SLC3A1: variants seen among roughly 807,000 people sequenced by gnomAD.
The protein encoded by SLC3A1 is amino acid transporter heavy chain SLC3A1.
In SLC3A1, 78 loss-of-function variants were observed where a neutral mutation model predicts 60.3. The observed-to-expected ratio is 1.29, with a 90% CI of 1.08 to 1.56. The LOEUF is 1.56. Ranked by LOEUF, SLC3A1 falls within the 40% of genes most tolerant of loss-of-function variation. SLC3A1 has a pLI of 0.00. For synonymous variants in SLC3A1, 392 were observed against 307.9 expected (o/e 1.27, Z -2.86); for missense variants, 1,172 against 858.9 (o/e 1.36, Z -4.56).
At chr2:44,291,368 CATTA>C in intron 4 of SLC3A1, among the ~76,000 whole-genome samples, 1 of 152,240 alleles carries the variant, frequency 6.6e-6, no homozygotes, top group Non-Finnish European at 1.5e-5. Context: ...CCAGCCAATA[CATTA>C]ATTATTTTTT....
At chr2:44,278,178 C>T (rs1168376233) in intron 1 of SLC3A1, among the ~76,000 whole-genome samples, 2 of 152,152 alleles carry the variant, frequency 1.3e-5, no homozygotes, top group African/African-American at 4.8e-5. Context: ...GGCGTGGTGG[C>T]TCACGCCTGT....
chr2:44,321,105 C>G lies in SLC3A1; in HGVS notation c.*466C>G, dbSNP rs1572833604. 1 of 461,136 alleles carries G rather than the reference C, an allele frequency of 2.2e-6. No homozygotes were observed. The highest frequency in any genetic ancestry group is 2.7e-5 in the South Asian group (1 of 37,562). The allele number at this position is 461,136 out of a possible 1,614,324, so 28.6% of individuals were successfully genotyped here. The stretch of plus-strand genomic sequence containing the variant: ...CTGCTATCACCAATCCTTCCCTTCC[C>G]TCTACTCCACATCCTTCTAAGGAGC... On this transcript the variant is annotated 3_prime_UTR_variant, in exon 10 of 10. Coordinates refer to ENST00000260649, the MANE Select transcript of SLC3A1 (RefSeq NM_000341.4).
chr2:44,310,054 T>C (rs1253111328), intron 7 of SLC3A1, among the ~76,000 whole-genome samples: 1 of 152,106 alleles, frequency 6.6e-6, no homozygotes, highest in Admixed American at 6.5e-5. Flanking sequence ...CCACCATACC[T>C]GGATAATTTT....
At chr2:44,320,041 T>C (rs994992710) in intron 9 of SLC3A1, 158 bp from the exon 10 acceptor site, 2 of 629,792 alleles carry the variant, frequency 3.2e-6, no homozygotes, top group Non-Finnish European at 2.7e-6. Flanking sequence ...TTTATATAAA[T>C]TGTTCTTACC....
intron 4 of SLC3A1, among the ~76,000 whole-genome samples, chr2:44,295,385 C>G (rs1037571730): frequency 2.6e-5 from 4 of 152,180 alleles, no homozygotes; most frequent in Non-Finnish European, 5.9e-5. Flanking sequence ...CTAGCTGACC[C>G]AGGCTCTGTG....
intron 4 of SLC3A1, among the ~76,000 whole-genome samples, chr2:44,290,147 G>T (rs1572796736): frequency 7.8e-6 from 1 of 127,572 alleles, no homozygotes; most frequent in African/African-American, 2.9e-5. Context: ...TTTTGCATGT[G>T]GCTATTCAGT....
Position 44,304,335 on chromosome 2 carries a change from G to C in SLC3A1, c.1329G>C (p.Trp443Cys), listed in dbSNP as rs1270635310. ...ENMPEGKWPN[W>C]MIGGPDSSRL... ...TGCCAGAAGGAAAATGGCCTAACTG[G>C]ATGGTAAGTCCTCATGACAGCAGAG... The change falls in exon 7 of 10, where the codon TGG becomes TGC. Residue 443 changes from tryptophan to cysteine, a missense_variant. Physicochemically the swap from Trp to Cys is radical, Grantham distance 215. Transcript: ENST00000260649. 2 of 1,612,512 alleles carry C rather than the reference G, an allele frequency of 1.2e-6. No individual in the cohort carries two copies. Among genetic ancestry groups the C allele is most frequent in the Admixed American group, 1.7e-5 (1 of 60,008 alleles).
chr2:44,300,089 C>T lies in SLC3A1; in HGVS notation c.1010C>T (p.Pro337Leu), dbSNP rs201763200. Residue 337 changes from proline to leucine, a missense_variant and splice_region_variant, in exon 5 of 10, where the codon CCG becomes CTG. Coordinates refer to ENST00000260649, the MANE Select transcript of SLC3A1 (RefSeq NM_000341.4). Reference protein sequence around the residue: ...DEIQVNKTQIPDTVTQYSELY... With the variant: ...DEIQVNKTQILDTVTQYSELY... ...ATCCAAGTAAATAAGACCCAAATCC[C>T]GGTAAAGTTTTATTTTAAACGTTTT... is the stretch of plus-strand genomic sequence containing the variant. 17 of 1,613,856 alleles carry T rather than the reference C, an allele frequency of 1.1e-5. No homozygotes were observed. Among genetic ancestry groups the T allele is most frequent in the Admixed American group, 1.7e-5 (1 of 60,022 alleles).
chr2:44,293,142 A>G (rs1386998298), intron 4 of SLC3A1, among the ~76,000 whole-genome samples: 1 of 152,168 alleles, frequency 6.6e-6, no homozygotes, highest in Non-Finnish European at 1.5e-5. Context: ...GATGGGAGAC[A>G]CAGGAAGAGA....
rs571573324 is a variant in SLC3A1, at chr2:44,306,869, T to C, written c.1332+2531T>C. ...ACTGAGCCCAGCCAAAATTTACCGT[T>C]ATTAAAGTATATAATTAAGTGGATT... is the stretch of plus-strand genomic sequence containing the variant. On this transcript the variant is annotated intron_variant, in intron 7 of 9. Transcript: ENST00000260649. Among the ~76,000 whole-genome samples, 76 of 152,238 alleles carry C rather than the reference T, an allele frequency of 5.0e-4. 1 individual carries two copies. The highest frequency in any genetic ancestry group is 3.3e-4 in the Admixed American group (5 of 15,290).
intron 9 of SLC3A1, chr2:44,314,624 TCTA>T (rs1672381841): frequency 6.5e-6 from 1 of 153,792 alleles, no homozygotes; most frequent in South Asian, 2.0e-4. Context: ...CCCATCCCAC[TCTA>T]CTGAGTAATC....
rs765521548 is a variant in SLC3A1, at chr2:44,301,125, C to G, written c.1134C>G (p.Tyr378Ter). Residue 378 changes from tyrosine to a stop codon, truncating the protein, a stop_gained and splice_region_variant, in exon 6 of 10, where the codon TAC (tyrosine) becomes TAG (stop). Coordinates refer to ENST00000260649, the MANE Select transcript of SLC3A1 (RefSeq NM_000341.4). LOFTEE classifies it high-confidence loss of function. ...AATACAGCACGGAGCCCGGCAGATACAGGTTGACCACGGCATATGCTCTCA... is the reference window on the plus strand; with the variant it reads ...AATACAGCACGGAGCCCGGCAGATAGAGGTTGACCACGGCATATGCTCTCA... Reference protein sequence around the residue: ...MDQYSTEPGRYRFMGTEAYAE... With the variant: ...MDQYSTEPGR 15 of 1,609,718 alleles carry G rather than the reference C, an allele frequency of 9.3e-6. No individual in the cohort carries two copies. The highest frequency in any genetic ancestry group is 1.4e-5 in the African/African-American group (1 of 72,038).
intron 8 of SLC3A1, 152 bp from the exon 9 acceptor site, chr2:44,313,683 G>C: frequency 1.4e-6 from 1 of 727,892 alleles, no homozygotes; most frequent in African/African-American, 1.7e-5. Context: ...TTTATGTACC[G>C]AAAGTTGAGG....
chr2:44,309,713 C>G (rs535974446), intron 7 of SLC3A1, among the ~76,000 whole-genome samples: 1 of 152,304 alleles, frequency 6.6e-6, no homozygotes, highest in South Asian at 2.1e-4. Context: ...ATTCTTATGC[C>G]TTAGCCTCCT....
intron 1 of SLC3A1, among the ~76,000 whole-genome samples, chr2:44,280,370 C>T (rs1671467478): frequency 1.3e-5 from 2 of 152,062 alleles, no homozygotes; most frequent in Admixed American, 1.3e-4. Context: ...TCCCAGGTAG[C>T]TGGGATCATA....
rs1352213603 is a variant in SLC3A1, at chr2:44,319,368, ATCTT to A, written c.1618-830_1618-827del. The A allele has an allele frequency of 9.2e-5, 14 of 152,730 alleles. No individual in the cohort carries two copies. In the South Asian group the frequency reaches 2.3e-3, roughly 25 times the overall value. The allele number at this position is 152,730 out of a possible 1,614,324, so 9.5% of individuals were successfully genotyped here. The stretch of plus-strand genomic sequence containing the variant: ...AAAGTAACTGTCTTTCTGATAATCT[ATCTT>A]AAGTAATACAAAAATGGGGGGAGGG... On this transcript the variant is annotated intron_variant, in intron 9 of 9. Coordinates refer to ENST00000260649, the MANE Select transcript of SLC3A1 (RefSeq NM_000341.4).
intron 3 of SLC3A1, 94 bp from the exon 4 acceptor site, chr2:44,285,938 T>C (rs1236081328): frequency 3.4e-6 from 5 of 1,492,062 alleles, no homozygotes; most frequent in South Asian, 2.3e-5. Context: ...AGGATTTACA[T>C]ACTCTGCCTG....
chr2:44,321,348 G>A lies in SLC3A1; in HGVS notation c.*709G>A, dbSNP rs1305342389. The stretch of plus-strand genomic sequence containing the variant: ...GTGTGTTTCCAATTCCCAGTTGAAT[G>A]CAGTGTTTCAGAATTTCAGGTATTT... On this transcript the variant is annotated 3_prime_UTR_variant, in exon 10 of 10. Transcript: ENST00000260649. 5.0e-6 allele frequency: 8 copies of A among 1,587,836 alleles called. No individual in the cohort carries two copies. The highest frequency in any genetic ancestry group is 6.9e-6 in the Non-Finnish European group (8 of 1,156,992).
chr2:44,317,010 T>C (rs1207592477), intron 9 of SLC3A1, among the ~76,000 whole-genome samples: 4 of 151,002 alleles, frequency 2.6e-5, no homozygotes, highest in East Asian at 3.9e-4. Context: ...TGATTCTATA[T>C]GGGAAATGTT....
Sources: allele counts gnomAD v4.1 joint callset (sites outside exome capture counted in the v4.1 genomes callset), GRCh38; gene constraint gnomAD v4.1.1; transcripts MANE v1.5; gene names NCBI Gene and HGNC (gene_info 2026-07-23, HGNC 2026-07-21).